The following UGT1A6 variants were observed in gnomAD, a reference collection of about 807,000 sequenced individuals.
The protein encoded by UGT1A6 is UDP glucuronosyltransferase family 1 member A6, also known as UDP-glucuronosyltransferase 1A6.
UGT1A6 carries 32 observed loss-of-function variants against 44.4 expected under a neutral mutation model. The observed-to-expected ratio is 0.72, with a 90% CI of 0.54 to 0.97. The LOEUF is 0.97. Ranked by LOEUF, UGT1A6 falls within the 50% of genes least tolerant of loss-of-function variation. UGT1A6 has a pLI of 0.00. For missense variants in UGT1A6, 685 were observed against 661.9 expected, an observed-to-expected ratio of 1.03 and a Z score of -0.38; for synonymous variants, 238 against 248.5, an observed-to-expected ratio of 0.96 and a Z score of 0.40.
intron 1 of UGT1A6, among the ~76,000 whole-genome samples, chr2:233,700,819 C>T (rs1330583441): frequency 6.6e-6 from 1 of 151,776 alleles, no homozygotes; most frequent in Admixed American, 6.6e-5. Flanking sequence ...TGTGCTGCAC[C>T]CATTAACTCG....
At chr2:233,765,980 C>T (rs987100848) in intron 1 of UGT1A6, among the ~76,000 whole-genome samples, 1 of 152,096 alleles carries the variant, frequency 6.6e-6, no homozygotes, top group African/African-American at 2.4e-5. Flanking sequence ...ATGTTTACAG[C>T]TCCTGAAGCT....
chr2:233,737,458 C>G (rs1404187897), intron 1 of UGT1A6, among the ~76,000 whole-genome samples: 1 of 152,216 alleles, frequency 6.6e-6, no homozygotes, highest in Non-Finnish European at 1.5e-5. Context: ...CAGGTACAGT[C>G]TGTCATGGCT....
chr2:233,766,694 C>G (rs996253647), intron 1 of UGT1A6, among the ~76,000 whole-genome samples: 7 of 152,162 alleles, frequency 4.6e-5, no homozygotes, highest in Non-Finnish European at 1.0e-4. Context: ...ATCACTGATG[C>G]CTTGCTCTGT....
At chr2:233,700,043 A>T (rs2075539170) in intron 1 of UGT1A6, among the ~76,000 whole-genome samples, 1 of 152,220 alleles carries the variant, frequency 6.6e-6, no homozygotes, top group South Asian at 2.1e-4. Context: ...ATCTAAATCA[A>T]TTCCAAGTGA....
intron 1 of UGT1A6, chr2:233,743,896 C>A: frequency 3.7e-6 from 5 of 1,366,934 alleles, no homozygotes; most frequent in Non-Finnish European, 4.9e-6. Flanking sequence ...GCACGTCCAG[C>A]ACCTCGTAGT....
chr2:233,734,271 G>A (rs1203076441), intron 1 of UGT1A6, among the ~76,000 whole-genome samples: 2 of 152,098 alleles, frequency 1.3e-5, no homozygotes, highest in Admixed American at 1.3e-4. Context: ...ATGTGTCCAG[G>A]AATTTATCCA....
chr2:233,724,272 C>T (rs2077202450), intron 1 of UGT1A6, among the ~76,000 whole-genome samples: 2 of 137,942 alleles, frequency 1.4e-5, no homozygotes, highest in African/African-American at 5.4e-5. Context: ...GACGGGGCGG[C>T]TGGCCGGGCG....
chr2:233,729,432 AAC>A (rs1456497728), intron 1 of UGT1A6: 1 of 1,613,916 alleles, frequency 6.2e-7, no homozygotes, highest in East Asian at 2.2e-5. Flanking sequence ...TGTACTTTGA[AAC>A]AGAACATTTT....
At chr2:233,718,271 A>C (rs1315194917) in intron 1 of UGT1A6, among the ~76,000 whole-genome samples, 1 of 152,228 alleles carries the variant, frequency 6.6e-6, no homozygotes, top group Non-Finnish European at 1.5e-5. Flanking sequence ...GTGTGAAAAA[A>C]GACCAAAACC....
chr2:233,718,935 A>G, intron 1 of UGT1A6: 1 of 1,614,132 alleles, frequency 6.2e-7, no homozygotes, highest in South Asian at 1.1e-5. Context: ...CACTGATGGC[A>G]GCCCCTGGCT....
At chr2:233,751,587 G>A (rs1303617779) in intron 1 of UGT1A6, among the ~76,000 whole-genome samples, 5 of 152,220 alleles carry the variant, frequency 3.3e-5, no homozygotes, top group African/African-American at 1.2e-4. Flanking sequence ...ATTCCCATGT[G>A]TTAAGGATGG....
At chr2:233,763,963 A>G (rs1698440106) in intron 1 of UGT1A6, among the ~76,000 whole-genome samples, 1 of 152,196 alleles carries the variant, frequency 6.6e-6, no homozygotes, top group Non-Finnish European at 1.5e-5. Flanking sequence ...GAAGGTTGAG[A>G]TATATGTGGG....
chr2:233,734,094 C>T (rs981980802), intron 1 of UGT1A6, among the ~76,000 whole-genome samples: 3 of 151,762 alleles, frequency 2.0e-5, no homozygotes, highest in African/African-American at 7.3e-5. Flanking sequence ...CACCCTAAAA[C>T]TTAAAGTATA....
rs191743341 is a variant in UGT1A6, at chr2:233,705,148, A to G, written c.861+11283A>G. 9.8e-3 allele frequency among the ~76,000 whole-genome samples: 1,473 copies of G among 150,974 alleles called. 22 individuals are homozygous for G. The highest frequency in any genetic ancestry group is 0.033 in the African/African-American group (1,371 of 40,938). On this transcript the variant is annotated intron_variant, in intron 1 of 4. Transcript: ENST00000305139. ...CGAGACTTCGTCTGAAAAAAAAAAA[A>G]AGAGAGAGAGAGAGAGAATAAAGGG...
chr2:233,719,172 A>G, intron 1 of UGT1A6: 2 of 1,614,250 alleles, frequency 1.2e-6, no homozygotes, highest in Non-Finnish European at 1.7e-6. Flanking sequence ...GGCAATTATG[A>G]ACAATGTATC....
intron 1 of UGT1A6, among the ~76,000 whole-genome samples, chr2:233,744,198 G>A (rs1317214415): frequency 6.6e-6 from 1 of 151,870 alleles, no homozygotes; most frequent in Non-Finnish European, 1.5e-5. Flanking sequence ...CTCCAAAAAG[G>A]ATGGGAAAAA....
chr2:233,729,846 G>T, intron 1 of UGT1A6: 1 of 1,613,888 alleles, frequency 6.2e-7, no homozygotes, highest in Admixed American at 1.7e-5. Context: ...AGCTTTTTCA[G>T]AGAGAGGTGT....
At position 233,729,976 on chromosome 2, in the gene UGT1A6, A is replaced by G. The variant is rs201645683; in HGVS notation, c.861+36111A>G. The G allele has an allele frequency of 5.4e-5, 87 of 1,614,040 alleles. No individual in the cohort carries two copies. The highest frequency in any genetic ancestry group is 3.6e-4 in the East Asian group (16 of 44,888). On this transcript the variant is annotated intron_variant, in intron 1 of 4. Transcript: ENST00000305139. ...CATTGGGGGCATCAACTGTGCCAACAGGAAGCCACTATCTCAGGTCTGTAT... is the reference window on the plus strand; with the variant it reads ...CATTGGGGGCATCAACTGTGCCAACGGGAAGCCACTATCTCAGGTCTGTAT...
chr2:233,748,690 T>C (rs1289414709), intron 1 of UGT1A6, among the ~76,000 whole-genome samples: 4 of 151,634 alleles, frequency 2.6e-5, no homozygotes, highest in Non-Finnish European at 5.9e-5. Context: ...ACAAAAGATT[T>C]TTCTGGTCAG....
Sources: gnomAD v4.1 joint callset for allele counts (sites outside exome capture counted in the v4.1 genomes callset) on GRCh38, gnomAD v4.1.1 for gene constraint, MANE v1.5 for transcripts, NCBI Gene and HGNC (gene_info 2026-07-23, HGNC 2026-07-21) for gene names.